Variants in NR1D2 observed in about 807,000 individuals in gnomAD.
The protein encoded by NR1D2 is nuclear receptor subfamily 1 group D member 2, also known as V-erbA-related protein 1-related.
Under a neutral mutation model 52.2 loss-of-function variants are expected in NR1D2, and 25 were observed. The ratio of observed to expected loss-of-function variants is 0.48; its 90% CI spans 0.35 to 0.67. NR1D2 has a LOEUF of 0.67. Ranked by LOEUF, NR1D2 falls within the 30% of genes least tolerant of loss-of-function variation. NR1D2 has a pLI of 0.01. For synonymous variants in NR1D2, 259 were observed against 230.1 expected (o/e 1.13, Z -1.14); for missense variants, 681 against 707.2 (o/e 0.96, Z 0.42).
intron 7 of NR1D2, among the ~76,000 whole-genome samples, chr3:23,974,039 CT>C (rs1655687698): frequency 7.2e-6 from 1 of 138,636 alleles, no homozygotes; most frequent in Non-Finnish European, 1.5e-5. Flanking sequence ...ACAATGCATT[CT>C]TCAGGAATAT....
At chr3:23,967,303 A>T (rs995209633) in intron 6 of NR1D2, among the ~76,000 whole-genome samples, 3 of 151,902 alleles carry the variant, frequency 2.0e-5, no homozygotes, top group Admixed American at 6.6e-5. Flanking sequence ...AGCCTGGGTG[A>T]CAAGAAGAAA....
chr3:23,980,177 G>T lies in NR1D2; in HGVS notation c.*2758G>T, dbSNP rs770030157. 1 of 152,142 alleles carries T rather than the reference G, an allele frequency of 6.6e-6. No individual in the cohort carries two copies. The highest frequency in any genetic ancestry group is 1.5e-5 in the Non-Finnish European group (1 of 67,998). The allele number at this position is 152,142 out of a possible 1,614,324, so 9.4% of individuals were successfully genotyped here. On this transcript the variant is annotated 3_prime_UTR_variant, in exon 8 of 8. Coordinates refer to ENST00000312521, the MANE Select transcript of NR1D2 (RefSeq NM_005126.5). Reference sequence around the variant, plus strand: ...TTACCATTGTAACTTGATAAGAGATGATTTATTTTATGTAAACATCTTTGC... The same window carrying T: ...TTACCATTGTAACTTGATAAGAGATTATTTATTTTATGTAAACATCTTTGC...
intron 1 of NR1D2, among the ~76,000 whole-genome samples, chr3:23,949,095 G>A (rs7631394): frequency 0.29 from 43,525 of 152,030 alleles, 6,554 homozygotes; most frequent in African/African-American, 0.38. Context: ...GCTGGGCATG[G>A]TGGCTCATGC....
At chr3:23,975,188 G>C (rs1350313538) in intron 7 of NR1D2, among the ~76,000 whole-genome samples, 1 of 151,894 alleles carries the variant, frequency 6.6e-6, no homozygotes, top group Non-Finnish European at 1.5e-5. Flanking sequence ...TGGAATGATC[G>C]TGGGTCACTG....
chr3:23,955,615 C>A (rs1255739356), intron 2 of NR1D2, among the ~76,000 whole-genome samples: 4 of 151,882 alleles, frequency 2.6e-5, no homozygotes, highest in Non-Finnish European at 4.4e-5. Flanking sequence ...TCCAGGAGTT[C>A]AAGACCAGCC....
At chr3:23,968,167 T>C (rs1156684279) in intron 7 of NR1D2, 144 bp downstream of exon 7, 1 of 637,814 alleles carries the variant, frequency 1.6e-6, no homozygotes, top group East Asian at 2.7e-5. Flanking sequence ...CCTGTTATTT[T>C]TGTGTAACTA....
chr3:23,955,999 T>A, intron 2 of NR1D2, 38 bp from the exon 3 acceptor site: 4 of 1,436,004 alleles, frequency 2.8e-6, no homozygotes, highest in Non-Finnish European at 2.0e-6. Flanking sequence ...ACTCGGTGTT[T>A]CCTCCTACTT....
chr3:23,963,483 T>C, intron 5 of NR1D2: 1 of 850,726 alleles, frequency 1.2e-6, no homozygotes, highest in Non-Finnish European at 1.4e-6. Flanking sequence ...ACATTCTTGC[T>C]CTGTTGCCCA....
intron 1 of NR1D2, chr3:23,946,020 T>TGGGGGC (rs1705681674): frequency 3.8e-6 from 3 of 793,176 alleles, no homozygotes; most frequent in African/African-American, 1.9e-5. Flanking sequence ...CAGGGACACG[T>TGGGGGC]GGGGGCGGGG....
intron 1 of NR1D2, among the ~76,000 whole-genome samples, chr3:23,948,482 C>A (rs1188807693): frequency 6.6e-6 from 1 of 152,132 alleles, no homozygotes; most frequent in Non-Finnish European, 1.5e-5. Context: ...ACCACTGGAT[C>A]CTTAACACAC....
At chr3:23,968,650 T>C (rs1388512815) in intron 7 of NR1D2, among the ~76,000 whole-genome samples, 1 of 152,184 alleles carries the variant, frequency 6.6e-6, no homozygotes, top group Non-Finnish European at 1.5e-5. Context: ...TTTGAGTTTC[T>C]AATGTTTATT....
intron 6 of NR1D2, among the ~76,000 whole-genome samples, chr3:23,965,413 T>G (rs1706415465): frequency 6.7e-6 from 1 of 149,006 alleles, no homozygotes; most frequent in East Asian, 1.9e-4. Flanking sequence ...TAATTTTTTT[T>G]GTTTTTTTTT....
At chr3:23,952,138 A>T (rs1383154254) in intron 1 of NR1D2, among the ~76,000 whole-genome samples, 1 of 152,166 alleles carries the variant, frequency 6.6e-6, no homozygotes, top group African/African-American at 2.4e-5. Context: ...GGTGATACTG[A>T]TGCCCCTAGT....
chr3:23,957,867 T>C (rs1284507261), intron 3 of NR1D2, among the ~76,000 whole-genome samples: 3 of 152,224 alleles, frequency 2.0e-5, no homozygotes, highest in African/African-American at 4.8e-5. Flanking sequence ...CTAGTTCAGC[T>C]CTTGTAGTAT....
At chr3:23,952,878 T>C (rs971349443) in intron 1 of NR1D2, among the ~76,000 whole-genome samples, 1 of 152,124 alleles carries the variant, frequency 6.6e-6, no homozygotes, top group African/African-American at 2.4e-5. Flanking sequence ...TTAGCCTCAA[T>C]ATATATAATT....
At chr3:23,945,635 A>G (rs911469049) in intron 1 of NR1D2, 41 bp downstream of exon 1, 2 of 1,077,702 alleles carry the variant, frequency 1.9e-6, no homozygotes, top group Admixed American at 5.4e-5. Flanking sequence ...GGCCGGAGGG[A>G]GCGCTCAGAG....
At chr3:23,976,476 A>G (rs1022099055) in intron 7 of NR1D2, among the ~76,000 whole-genome samples, 6 of 152,126 alleles carry the variant, frequency 3.9e-5, no homozygotes, top group African/African-American at 1.2e-4. Flanking sequence ...TTTCAGTTGT[A>G]TGTAGTTATC....
At chr3:23,972,037 A>G (rs558604058) in intron 7 of NR1D2, among the ~76,000 whole-genome samples, 1 of 152,358 alleles carries the variant, frequency 6.6e-6, no homozygotes, top group Admixed American at 6.5e-5. Context: ...TCAGTTCTCT[A>G]TTAATTGTTT....
chr3:23,973,939 C>T (rs966062176), intron 7 of NR1D2, among the ~76,000 whole-genome samples: 2 of 152,028 alleles, frequency 1.3e-5, no homozygotes, highest in African/African-American at 2.4e-5. Flanking sequence ...CACTGTCTTC[C>T]ACCTCCACAT....
Sources: gnomAD v4.1 joint callset for allele counts (sites outside exome capture counted in the v4.1 genomes callset) on GRCh38, gnomAD v4.1.1 for gene constraint, MANE v1.5 for transcripts, NCBI Gene and HGNC (gene_info 2026-07-23, HGNC 2026-07-21) for gene names.